The following WIPI1 variants were observed in gnomAD, a reference collection of about 807,000 sequenced individuals.
WIPI1 encodes WD repeat domain, phosphoinositide interacting 1.
WIPI1 carries 45 observed loss-of-function variants against 55.3 expected under a neutral mutation model. That is an observed-to-expected ratio of 0.81 (90% CI 0.64 to 1.04). WIPI1 has a LOEUF of 1.04. WIPI1 is among the 50% of genes least tolerant of loss of function. The pLI, the probability that WIPI1 is intolerant of heterozygous loss-of-function variation, is 0.00. For missense variants in WIPI1, 445 were observed against 559.0 expected (o/e 0.80, Z 2.06); for synonymous variants, 195 against 217.6 (o/e 0.90, Z 0.92).
chr17:68,453,052 G>T (rs1279895869), intron 1 of WIPI1, 60 bp from the exon 2 acceptor site: 1 of 1,393,292 alleles, frequency 7.2e-7, no homozygotes. Flanking sequence ...AGATCTGTCT[G>T]CAAATAGATG....
intron 4 of WIPI1, among the ~76,000 whole-genome samples, chr17:68,439,089 C>G (rs1276687076): frequency 6.6e-6 from 1 of 152,106 alleles, no homozygotes; most frequent in East Asian, 1.9e-4. Flanking sequence ...TCTTCAAAAG[C>G]TAAACATAAA....
chr17:68,428,682 A>G, intron 10 of WIPI1, 147 bp downstream of exon 10: 1 of 629,158 alleles, frequency 1.6e-6, no homozygotes, highest in Admixed American at 2.5e-5. Flanking sequence ...CCCGGTGCAG[A>G]GCACTTGCCC....
At chr17:68,429,519 C>G (rs2083412600) in intron 9 of WIPI1, among the ~76,000 whole-genome samples, 1 of 152,208 alleles carries the variant, frequency 6.6e-6, no homozygotes, top group Non-Finnish European at 1.5e-5. Flanking sequence ...TGGCTGCCCC[C>G]TGAGAATCCG....
At chr17:68,451,006 G>A (rs1263625156) in intron 2 of WIPI1, 109 bp from the exon 3 acceptor site, 4 of 1,422,694 alleles carry the variant, frequency 2.8e-6, no homozygotes, top group Non-Finnish European at 2.8e-6. Context: ...GGTTCTCCGG[G>A]TCTTGCCGGC....
chr17:68,433,760 G>GTTGTTTTTTT lies in WIPI1; in HGVS notation c.693-186_693-185insAAAAAAACAA, dbSNP rs2083630723. ...TCAGAAAGATTCACAAAGGGTCATA[G>GTTGTTTTTTT]TTTTTTTTTTTTTTTTTTTTTTTTT... On this transcript the variant is annotated intron_variant, in intron 7 of 12. Transcript: ENST00000262139. 2.7e-5 allele frequency among the ~76,000 whole-genome samples: 2 copies of GTTGTTTTTTT among 72,814 alleles called. 1 individual carries two copies. 47.8% of individuals were successfully genotyped at this position (72,814 alleles called of 152,430 possible). A position where few individuals can be genotyped will look rare whatever the true frequency, so the allele number is the denominator to read the frequency against.
At chr17:68,452,380 C>T (rs561248055) in intron 2 of WIPI1, among the ~76,000 whole-genome samples, 4 of 152,266 alleles carry the variant, frequency 2.6e-5, no homozygotes, top group East Asian at 1.9e-4. Flanking sequence ...GCCTGGCCAA[C>T]GTGGTGAAAC....
At chr17:68,445,054 G>A (rs1362075869) in intron 3 of WIPI1, among the ~76,000 whole-genome samples, 2 of 151,676 alleles carry the variant, frequency 1.3e-5, no homozygotes, top group African/African-American at 2.4e-5. Flanking sequence ...CTGAGTAGCT[G>A]GGATTACATG....
At position 68,439,677 on chromosome 17, in the gene WIPI1, G is replaced by A. The variant is rs74802402; in HGVS notation, c.431-3198C>T. On this transcript the variant is annotated intron_variant, in intron 4 of 12. Coordinates refer to ENST00000262139, the MANE Select transcript of WIPI1 (RefSeq NM_017983.7). ...AATTTTATTTTAAGGCATGTTTCAGGAATATTTATCTGGTTAGAGATAGGC... is the reference window on the plus strand; with the variant it reads ...AATTTTATTTTAAGGCATGTTTCAGAAATATTTATCTGGTTAGAGATAGGC... Among the ~76,000 whole-genome samples, 1,053 of 152,288 alleles carry A rather than the reference G, an allele frequency of 6.9e-3. 30 individuals carry two copies. The highest frequency in any genetic ancestry group is 0.067 in the East Asian group (347 of 5,184).
Position 68,422,258 on chromosome 17 carries a change from G to A in WIPI1, c.1294-438C>T, listed in dbSNP as rs146411986. ...CTGGCCAACATGGTGAAACCCCATC[G>A]CTACTAAAAAATACAAAAATTAGCC... On this transcript the variant is annotated intron_variant, in intron 12 of 12. Coordinates refer to ENST00000262139, the MANE Select transcript of WIPI1 (RefSeq NM_017983.7). 2.5e-3 allele frequency: 387 copies of A among 155,312 alleles called. 2 individuals carry two copies. The highest frequency in any genetic ancestry group is 9.5e-3 in the African/African-American group (368 of 38,846). 9.6% of individuals were successfully genotyped at this position (155,312 alleles called of 1,614,324 possible).
chr17:68,438,640 G>T (rs906807203), intron 4 of WIPI1, among the ~76,000 whole-genome samples: 1 of 152,156 alleles, frequency 6.6e-6, no homozygotes, highest in Non-Finnish European at 1.5e-5. Context: ...TTACTCTGTT[G>T]CCCAAGCTGC....
rs1028744021 is a variant in WIPI1, at chr17:68,450,638, T to C, written c.333+90A>G. 2.0e-6 allele frequency: 3 copies of C among 1,480,300 alleles called. No individual in the cohort carries two copies. The African/African-American group carries it at 4.3e-5, about 21-fold the overall frequency. 91.7% of individuals were successfully genotyped at this position (1,480,300 alleles called of 1,614,324 possible). ...ATTCTCATTAGAATTGGAAGCTTGT[T>C]TTACAGACATTGATCTTGAAAGATG... On this transcript the variant is annotated intron_variant, in intron 3 of 12. Coordinates refer to ENST00000262139, the MANE Select transcript of WIPI1 (RefSeq NM_017983.7).
chr17:68,429,996 G>A lies in WIPI1; in HGVS notation c.965C>T (p.Thr322Met), dbSNP rs745724986. Residue 322 changes from threonine (T) to methionine (M), a missense_variant and splice_region_variant, in exon 9 of 13, where the codon ACG becomes ATG. By Grantham distance (81) the Thr-to-Met change is moderately conservative. Transcript: ENST00000262139. ...SGQRNICTLS[T>M]IQKLPRLLVA... ...TCAGAGTGGGTGTCATTGTACGTAC[G>A]TTGAGAGGGTACAGATGTTCCTCTG... 2.5e-6 allele frequency: 4 copies of A among 1,614,102 alleles called. No homozygotes were observed. Among genetic ancestry groups the A allele is most frequent in the Middle Eastern group, 1.6e-4 (1 of 6,062 alleles).
chr17:68,426,198 G>C, intron 11 of WIPI1, 23 bp from the exon 12 acceptor site: 1 of 1,498,756 alleles, frequency 6.7e-7, no homozygotes, highest in Non-Finnish European at 9.0e-7. Flanking sequence ...AAAGAGACAT[G>C]AAACAAGCAC....
intron 1 of WIPI1, among the ~76,000 whole-genome samples, chr17:68,454,020 A>G (rs1328219913): frequency 6.6e-6 from 1 of 152,236 alleles, no homozygotes; most frequent in Non-Finnish European, 1.5e-5. Flanking sequence ...ACCAACAAAC[A>G]AAATACAAAC....
intron 6 of WIPI1, 123 bp downstream of exon 6, chr17:68,435,497 A>G (rs1600312368): frequency 3.1e-6 from 3 of 955,166 alleles, no homozygotes; most frequent in Non-Finnish European, 5.0e-6. Context: ...TCTGAAACAA[A>G]TTCTGAGTGG....
At chr17:68,434,475 G>A in intron 7 of WIPI1, 81 bp downstream of exon 7, 1 of 1,474,510 alleles carries the variant, frequency 6.8e-7, no homozygotes, top group Admixed American at 1.9e-5. Context: ...GCCACTCTCT[G>A]TCCTCTCCCT....
chr17:68,432,322 A>G (rs949032931), intron 8 of WIPI1, among the ~76,000 whole-genome samples: 11 of 152,222 alleles, frequency 7.2e-5, no homozygotes, highest in African/African-American at 2.7e-4. Context: ...TTAATCACAC[A>G]TGCCTTTAAA....
Position 68,430,071 on chromosome 17 carries a change from A to G in WIPI1, c.890T>C (p.Met297Thr), listed in dbSNP as rs1322990807. 1 of 1,614,192 alleles carries G rather than the reference A, an allele frequency of 6.2e-7. No individual in the cohort carries two copies. The highest frequency in any genetic ancestry group is 8.5e-7 in the Non-Finnish European group (1 of 1,180,052). ...TNYLPTQVSD[M>T]MHQDRAFATA... is the part of the protein sequence containing the mutation. ...GGCAAAAGCCCTGTCCTGATGCATCATGTCTGACACCTGGGTAGGGAGGTA... is the reference window on the plus strand; with the variant it reads ...GGCAAAAGCCCTGTCCTGATGCATCGTGTCTGACACCTGGGTAGGGAGGTA... The change falls in exon 9 of 13, where the codon ATG becomes ACG. Residue 297 changes from methionine (M) to threonine (T), a missense_variant. Coordinates refer to ENST00000262139, the MANE Select transcript of WIPI1 (RefSeq NM_017983.7).
At position 68,430,161 on chromosome 17, in the gene WIPI1, C is replaced by T; in HGVS notation, c.801-1G>A. ...CCAGGTCGAAGGCTCTTCTGGTCGA[C>T]TAGGGAGTAATGCACAGGCAACGAT... On this transcript the variant is annotated splice_acceptor_variant, in intron 8 of 12. Transcript: ENST00000262139. LOFTEE classifies it high-confidence loss of function. The T allele has an allele frequency of 1.9e-6, 3 of 1,611,550 alleles. No homozygotes were observed. Among genetic ancestry groups the T allele is most frequent in the Non-Finnish European group, 2.5e-6 (3 of 1,179,004 alleles).
Sources: allele counts gnomAD v4.1 joint callset (sites outside exome capture counted in the v4.1 genomes callset), GRCh38; gene constraint gnomAD v4.1.1; transcripts MANE v1.5; gene names NCBI Gene and HGNC (gene_info 2026-07-23, HGNC 2026-07-21).